The following CCDC158 variants were observed in gnomAD, a reference collection of about 807,000 sequenced individuals.
The protein encoded by CCDC158 is coiled-coil domain containing 158, also known as coiled-coil domain-containing protein 158.
In CCDC158, 116 loss-of-function variants were observed where a neutral mutation model predicts 138.6. The ratio of observed to expected loss-of-function variants is 0.84; its 90% CI spans 0.72 to 0.98. The LOEUF (loss-of-function observed/expected upper bound fraction) is 0.98. Among genes scored for constraint, CCDC158 ranks in the 50% least tolerant of loss-of-function variants. The pLI, the probability that CCDC158 is intolerant of heterozygous loss-of-function variation, is 0.00. For synonymous variants in CCDC158, 436 were observed against 442.4 expected (o/e 0.99, Z 0.18); for missense variants, 1,265 against 1,306.1 (o/e 0.97, Z 0.48).
At chr4:76,397,769 C>T (rs922934314) in intron 3 of CCDC158, among the ~76,000 whole-genome samples, 3 of 152,168 alleles carry the variant, frequency 2.0e-5, no homozygotes, top group South Asian at 2.1e-4. Flanking sequence ...TTTTAAAAAT[C>T]GACTTCCAAG....
chr4:76,333,873 A>T, intron 19 of CCDC158, 137 bp downstream of exon 19: 2 of 515,738 alleles, frequency 3.9e-6, no homozygotes, highest in African/African-American at 1.9e-5. Flanking sequence ...CCATTTTCAT[A>T]TTATTTTCTG....
At chr4:76,355,253 A>T (rs1293682061) in intron 15 of CCDC158, 71 bp downstream of exon 15, 2 of 971,820 alleles carry the variant, frequency 2.1e-6, no homozygotes, top group South Asian at 2.6e-5. Context: ...TCTCTGCTTC[A>T]TCTTATTCTG....
intron 10 of CCDC158, 125 bp from the exon 11 acceptor site, chr4:76,369,748 T>A (rs1165277843): frequency 2.6e-6 from 2 of 776,384 alleles, no homozygotes; most frequent in Non-Finnish European, 4.0e-6. Context: ...GGAATCTGAT[T>A]CCTTTTTAAT....
chr4:76,321,453 C>T (rs182233011), intron 24 of CCDC158, among the ~76,000 whole-genome samples: 6 of 151,794 alleles, frequency 4.0e-5, no homozygotes, highest in South Asian at 2.1e-4. Context: ...CACTTGCACA[C>T]GCATGTTTAT....
In CCDC158 at chr4:76,410,407, A is replaced by T. The variant is rs1307116730; in HGVS notation, c.-74+1683T>A. ...ACCATGTTGGCCAGGCTGGTCTTGA[A>T]CTCCTGGCCTCAAGTGATCCACCCA... On this transcript the variant is annotated intron_variant, in intron 2 of 24. Coordinates refer to ENST00000682701, the MANE Select transcript of CCDC158 (RefSeq NM_001394954.1). 2.7e-5 allele frequency among the ~76,000 whole-genome samples: 4 copies of T among 150,454 alleles called. No homozygotes were observed. In the East Asian group the frequency reaches 7.9e-4, roughly 30 times the overall value.
At chr4:76,413,764 C>T (rs1729479997) in intron 1 of CCDC158, among the ~76,000 whole-genome samples, 1 of 152,026 alleles carries the variant, frequency 6.6e-6, no homozygotes, top group Admixed American at 6.6e-5. Context: ...CTATGATTTC[C>T]CATGGAAAAC....
At chr4:76,355,189 T>A in intron 15 of CCDC158, 135 bp downstream of exon 15, 1 of 622,570 alleles carries the variant, frequency 1.6e-6, no homozygotes, top group East Asian at 2.6e-5. Context: ...TCTAGGAACT[T>A]TTCCCTTGTT....
chr4:76,339,378 C>T (rs1378837211), intron 18 of CCDC158, among the ~76,000 whole-genome samples: 2 of 152,192 alleles, frequency 1.3e-5, no homozygotes, highest in African/African-American at 2.4e-5. Flanking sequence ...GACATGTGTT[C>T]CTCTTTCAGC....
chr4:76,367,390 C>T lies in CCDC158; in HGVS notation c.1734G>A (p.Val578=). 1 of 1,614,212 alleles carries T rather than the reference C, an allele frequency of 6.2e-7. No individual in the cohort carries two copies. Among genetic ancestry groups the T allele is most frequent in the Non-Finnish European group, 8.5e-7 (1 of 1,180,050 alleles). ...CTCCAGCAGTTCGTCCATGCTGGCC[C>T]ACCAGCTGTGTCATGTTCTCAATCT... ...RQQIENMTQL[V]GQHGRTAGAM... is the part of the protein sequence containing the mutation. Residue 578 remains valine, a synonymous_variant, in exon 12 of 25, where the codon GTG becomes GTA. Coordinates refer to ENST00000682701, the MANE Select transcript of CCDC158 (RefSeq NM_001394954.1).
In CCDC158 at chr4:76,367,584, C is replaced by A. The variant is rs1258367605; in HGVS notation, c.1540G>T (p.Ala514Ser). ...AGCTTTGTGATCTCTGCATTGGTAG[C>A]CTCGATGGCTCTCTCTTTTTCCTGG... ...SLQEKERAIEATNAEITKLRS... is the reference protein window; with the variant it reads ...SLQEKERAIESTNAEITKLRS... The change falls in exon 12 of 25, where the codon GCT becomes TCT. Residue 514 changes from alanine to serine, a missense_variant. By Grantham distance (99) the Ala-to-Ser change is moderately conservative (BLOSUM62 1). Coordinates refer to ENST00000682701, the MANE Select transcript of CCDC158 (RefSeq NM_001394954.1). The A allele has an allele frequency of 1.9e-6, 3 of 1,614,212 alleles. No individual in the cohort carries two copies. Among genetic ancestry groups the A allele is most frequent in the Non-Finnish European group, 2.5e-6 (3 of 1,180,046 alleles).
At chr4:76,372,820 A>G (rs1725364675) in intron 9 of CCDC158, among the ~76,000 whole-genome samples, 1 of 152,110 alleles carries the variant, frequency 6.6e-6, no homozygotes, top group African/African-American at 2.4e-5. Flanking sequence ...GACACATGCC[A>G]TAAAGTGCAT....
At chr4:76,420,833 G>A (rs1463372069) in intron 1 of CCDC158, among the ~76,000 whole-genome samples, 132 bp downstream of exon 1, 1 of 152,142 alleles carries the variant, frequency 6.6e-6, no homozygotes, top group East Asian at 1.9e-4. Flanking sequence ...AATTTATTGG[G>A]CATCTTCCAT....
In CCDC158 at chr4:76,366,455, A is replaced by G. The variant is rs12507649; in HGVS notation, c.1830+839T>C. Among the ~76,000 whole-genome samples, 400 of 151,768 alleles carry G rather than the reference A, an allele frequency of 2.6e-3. 1 individual carries two copies. Among genetic ancestry groups the G allele is most frequent in the Non-Finnish European group, 3.9e-3 (268 of 68,026 alleles). ...AAGGTGACATTAATCCTATGAAATC[A>G]ATTTTTTTAAAAAACCCATTAAATT... On this transcript the variant is annotated intron_variant, in intron 12 of 24. Coordinates refer to ENST00000682701, the MANE Select transcript of CCDC158 (RefSeq NM_001394954.1).
At chr4:76,369,664 A>C in intron 10 of CCDC158, 41 bp from the exon 11 acceptor site, 1 of 1,530,972 alleles carries the variant, frequency 6.5e-7, no homozygotes, top group Non-Finnish European at 9.0e-7. Flanking sequence ...CCTGCTATTA[A>C]ATAATTAAGA....
At chr4:76,391,025 A>G (rs1429636280) in intron 4 of CCDC158, among the ~76,000 whole-genome samples, 2 of 152,106 alleles carry the variant, frequency 1.3e-5, no homozygotes, top group Non-Finnish European at 2.9e-5. Flanking sequence ...CCTCAATACA[A>G]CAATAGCTAG....
At position 76,362,264 on chromosome 4, in the gene CCDC158, T is replaced by C. The variant is rs759604217; in HGVS notation, c.1882A>G (p.Ser628Gly). 8 of 1,614,130 alleles carry C rather than the reference T, an allele frequency of 5.0e-6. No homozygotes were observed. Among genetic ancestry groups the C allele is most frequent in the South Asian group, 1.1e-5 (1 of 91,080 alleles). Residue 628 changes from serine to glycine, a missense_variant, in exon 13 of 25, where the codon AGT (serine) becomes GGT (glycine). Ser to Gly is a moderately conservative substitution (Grantham distance 56, BLOSUM62 0). Coordinates refer to ENST00000682701, the MANE Select transcript of CCDC158 (RefSeq NM_001394954.1). ...TTCACCTTTTCCAGCTCCAAGTCAC[T>C]CACTCTGGCCTCAAGCTCCCGGATC... Reference protein sequence around the residue: ...AKIRELEARVSDLELEKVKLV... With the variant: ...AKIRELEARVGDLELEKVKLV...
chr4:76,327,682 T>C (rs960878562), intron 22 of CCDC158, among the ~76,000 whole-genome samples: 3 of 152,196 alleles, frequency 2.0e-5, no homozygotes, highest in Non-Finnish European at 2.9e-5. Context: ...GTATATGACA[T>C]GGTCATTGAC....
intron 23 of CCDC158, among the ~76,000 whole-genome samples, chr4:76,324,196 C>CTT (rs764232084): frequency 5.9e-5 from 8 of 136,630 alleles, no homozygotes; most frequent in East Asian, 2.1e-4. Flanking sequence ...TGGAGAGTTT[C>CTT]TTTTTTTTTT....
rs1725233390 is a variant in CCDC158 at position 76,371,475 on chromosome 4, T to A, written c.1091A>T (p.Glu364Val). The A allele has an allele frequency of 1.2e-6, 2 of 1,614,158 alleles. No homozygotes were observed. Among genetic ancestry groups the A allele is most frequent in the East Asian group, 2.2e-5 (1 of 44,882 alleles). ...ANSELTEART[E>V]RDQFSQESGN... ...AGATTCCTGACTGAATTGATCACGCTCTGTCCGGGCTTCAGTTAGCTCTGA... is the reference window on the plus strand; with the variant it reads ...AGATTCCTGACTGAATTGATCACGCACTGTCCGGGCTTCAGTTAGCTCTGA... Residue 364 changes from glutamate (E) to valine (V), a missense_variant, in exon 10 of 25, where the codon GAG (glutamate) becomes GTG (valine). By Grantham distance (121) the Glu-to-Val change is moderately radical. Coordinates refer to ENST00000682701, the MANE Select transcript of CCDC158 (RefSeq NM_001394954.1).
Sources: allele counts gnomAD v4.1 joint callset (sites outside exome capture counted in the v4.1 genomes callset), GRCh38; gene constraint gnomAD v4.1.1; transcripts MANE v1.5; gene names NCBI Gene and HGNC (gene_info 2026-07-23, HGNC 2026-07-21).